The following STXBP6 variants were observed in gnomAD, a reference collection of about 807,000 sequenced individuals.
The protein encoded by STXBP6 is syntaxin binding protein 6.
In STXBP6, 21 loss-of-function variants were observed where a neutral mutation model predicts 26.9. The observed-to-expected ratio is 0.78, with a 90% CI of 0.55 to 1.12. The LOEUF (loss-of-function observed/expected upper bound fraction) is 1.12. Among genes scored for constraint, STXBP6 ranks in the 50% most tolerant of loss-of-function variants. STXBP6 has a pLI of 0.00. For missense variants in STXBP6, 232 were observed against 257.9 expected (o/e 0.90, Z 0.69); for synonymous variants, 97 against 92.6 (o/e 1.05, Z -0.27).
chr14:24,888,567 A>G (rs2070671658), intron 2 of STXBP6, among the ~76,000 whole-genome samples: 1 of 152,134 alleles, frequency 6.6e-6, no homozygotes, highest in Non-Finnish European at 1.5e-5. Flanking sequence ...ACTAAAAAAT[A>G]CAAAAATTAG....
intron 4 of STXBP6, among the ~76,000 whole-genome samples, chr14:24,832,403 T>C (rs888253078): frequency 6.6e-6 from 1 of 152,180 alleles, no homozygotes; most frequent in Non-Finnish European, 1.5e-5. Context: ...ATAGACAGAT[T>C]GGGTATTTGG....
At chr14:24,913,495 TACAACA>T (rs570747718) in intron 2 of STXBP6, among the ~76,000 whole-genome samples, 2 of 151,744 alleles carry the variant, frequency 1.3e-5, no homozygotes, top group African/African-American at 2.4e-5. Context: ...AAATTAACAA[TACAACA>T]ACAACAACAA....
At chr14:24,882,993 G>A (rs2070430717) in intron 2 of STXBP6, among the ~76,000 whole-genome samples, 1 of 152,142 alleles carries the variant, frequency 6.6e-6, no homozygotes, top group African/African-American at 2.4e-5. Context: ...AATGAAATAT[G>A]GATAATGACT....
At chr14:24,919,533 T>C (rs552057433) in intron 2 of STXBP6, among the ~76,000 whole-genome samples, 1 of 152,082 alleles carries the variant, frequency 6.6e-6, no homozygotes, top group African/African-American at 2.4e-5. Flanking sequence ...ACGCACTTTT[T>C]TTTTTTTTAA....
At chr14:24,998,964 T>TCTCAATATGTGTTCA (rs371658430) in intron 1 of STXBP6, among the ~76,000 whole-genome samples, 267 of 152,274 alleles carry the variant, frequency 1.8e-3, no homozygotes, top group African/African-American at 6.2e-3. Flanking sequence ...TATTCCTTGC[T>TCTCAATATGTGTTCA]CTCAAACCAG....
At chr14:25,024,659 T>G (rs903933821) in intron 1 of STXBP6, among the ~76,000 whole-genome samples, 1 of 151,348 alleles carries the variant, frequency 6.6e-6, no homozygotes, top group Admixed American at 6.6e-5. Context: ...AATTTAGAAC[T>G]TGACTTTTCT....
At chr14:24,889,835 A>G (rs2070729428) in intron 2 of STXBP6, among the ~76,000 whole-genome samples, 3 of 152,210 alleles carry the variant, frequency 2.0e-5, no homozygotes, top group Non-Finnish European at 4.4e-5. Flanking sequence ...AGCAGAAATT[A>G]TTTCTTACCA....
rs190963656 is a variant in STXBP6 at position 24,857,201 on chromosome 14, T to C, written c.155-44A>G. The C allele has an allele frequency of 1.1e-4, 175 of 1,610,712 alleles. No individual in the cohort carries two copies. The African/African-American group carries it at 2.0e-3, about 18-fold the overall frequency. On this transcript the variant is annotated intron_variant, in intron 2 of 5. Coordinates refer to ENST00000323944, the MANE Select transcript of STXBP6 (RefSeq NM_001394410.1). ...TCAGATTAGTGCACCTGCAAGTTGG[T>C]GGTTTGTTTCCACATTCAGTGCTGT... is the stretch of plus-strand genomic sequence containing the variant.
intron 2 of STXBP6, among the ~76,000 whole-genome samples, chr14:24,908,086 G>T (rs2071446082): frequency 6.6e-6 from 1 of 152,176 alleles, no homozygotes; most frequent in Non-Finnish European, 1.5e-5. Context: ...CAGCATCAAT[G>T]ATTTGCTACC....
rs558841037 is a variant in STXBP6, at chr14:24,818,661, C to T, written c.609+376G>A. Among the ~76,000 whole-genome samples, 8 of 152,292 alleles carry T rather than the reference C, an allele frequency of 5.3e-5. No homozygotes were observed. In the South Asian group the frequency reaches 1.7e-3, roughly 32 times the overall value. On this transcript the variant is annotated intron_variant, in intron 5 of 5. Coordinates refer to ENST00000323944, the MANE Select transcript of STXBP6 (RefSeq NM_001394410.1). Reference sequence around the variant, plus strand: ...GGAAAAGCAAGCACGAGCAGCCTCACGTCCTCCATGTGTTGGCTAAGTGGG... The same window carrying T: ...GGAAAAGCAAGCACGAGCAGCCTCATGTCCTCCATGTGTTGGCTAAGTGGG...
At chr14:24,932,268 G>A (rs1193431056) in intron 2 of STXBP6, among the ~76,000 whole-genome samples, 2 of 152,194 alleles carry the variant, frequency 1.3e-5, no homozygotes, top group African/African-American at 2.4e-5. Context: ...CTAGCTGGGC[G>A]TGGTAGCGGG....
intron 4 of STXBP6, among the ~76,000 whole-genome samples, chr14:24,842,331 G>A (rs2068810363): frequency 6.6e-6 from 1 of 152,218 alleles, no homozygotes; most frequent in Admixed American, 6.5e-5. Context: ...GGGTGCACTT[G>A]TAGTCCCTAT....
intron 2 of STXBP6, among the ~76,000 whole-genome samples, chr14:24,960,240 C>A (rs2073486149): frequency 6.6e-6 from 1 of 152,158 alleles, no homozygotes; most frequent in South Asian, 2.1e-4. Flanking sequence ...CTACTGTGAG[C>A]AATTACCTCT....
intron 1 of STXBP6, among the ~76,000 whole-genome samples, chr14:25,021,832 G>A (rs2075268014): frequency 6.6e-6 from 1 of 152,152 alleles, no homozygotes; most frequent in Admixed American, 6.6e-5. Context: ...ATAGGGGAAA[G>A]CAACTAATAC....
In STXBP6 at chr14:24,829,692, T is replaced by A. The variant is rs1366811366; in HGVS notation, c.452-10498A>T. 2.6e-5 allele frequency among the ~76,000 whole-genome samples: 4 copies of A among 152,132 alleles called. No individual in the cohort carries two copies. In the East Asian group the frequency reaches 7.7e-4, roughly 29 times the overall value. On this transcript the variant is annotated intron_variant, in intron 4 of 5. Transcript: ENST00000323944. ...TGTTTATTCATTGAACTATTTTTTT[T>A]TTTTTTGGTTACCTATTATTTGCAA... is the stretch of plus-strand genomic sequence containing the variant.
At chr14:24,857,473 A>G (rs979063983) in intron 2 of STXBP6, among the ~76,000 whole-genome samples, 1 of 152,076 alleles carries the variant, frequency 6.6e-6, no homozygotes, top group East Asian at 1.9e-4. Flanking sequence ...AATGGAGGCT[A>G]TAAGTGCACA....
chr14:25,017,953 T>C (rs2075185942), intron 1 of STXBP6, among the ~76,000 whole-genome samples: 1 of 152,122 alleles, frequency 6.6e-6, no homozygotes, highest in Non-Finnish European at 1.5e-5. Flanking sequence ...TATCCTGAAT[T>C]TTCTCTTTCC....
intron 1 of STXBP6, among the ~76,000 whole-genome samples, chr14:24,984,790 G>C (rs568286797): frequency 6.6e-6 from 1 of 152,226 alleles, no homozygotes; most frequent in South Asian, 2.1e-4. Flanking sequence ...TCCGGGTGCA[G>C]AGACTTTTAC....
intron 2 of STXBP6, among the ~76,000 whole-genome samples, chr14:24,960,280 C>G (rs912267543): frequency 2.1e-4 from 32 of 152,180 alleles, no homozygotes; most frequent in Admixed American, 2.1e-3. Context: ...CAGTTGATCA[C>G]AGGTCACTGG....
Sources: gnomAD v4.1 joint callset for allele counts (sites outside exome capture counted in the v4.1 genomes callset) on GRCh38, gnomAD v4.1.1 for gene constraint, MANE v1.5 for transcripts, NCBI Gene and HGNC (gene_info 2026-07-23, HGNC 2026-07-21) for gene names.